The following KNTC1 variants were observed in gnomAD, a reference collection of about 807,000 sequenced individuals.
KNTC1 encodes the protein kinetochore associated 1.
A neutral mutation model predicts 314.4 loss-of-function variants in KNTC1; 253 were observed. That is an observed-to-expected ratio of 0.80 (90% confidence interval 0.73 to 0.89). The LOEUF (loss-of-function observed/expected upper bound fraction) is 0.89. KNTC1 is among the 40% of genes least tolerant of loss of function. KNTC1 has a pLI of 0.00. For missense variants in KNTC1, 2,475 were observed against 2,572.9 expected (o/e 0.96, Z 0.82); for synonymous variants, 901 against 901.4 (o/e 1.00, Z 0.01).
At chr12:122,596,079 CTTTTTTTTTT>C (rs1200717202) in intron 43 of KNTC1, among the ~76,000 whole-genome samples, 1 of 111,404 alleles carries the variant, frequency 9.0e-6, no homozygotes, top group African/African-American at 3.5e-5. Flanking sequence ...TAACCAGATT[CTTTTTTTTTT>C]TTTTTTTTTT....
Position 122,547,979 on chromosome 12 carries a change from A to T in KNTC1, c.987+10A>T, listed in dbSNP as rs768826074. The T allele has an allele frequency of 6.6e-7, 1 of 1,525,902 alleles. No homozygotes were observed. The highest frequency in any genetic ancestry group is 1.3e-5 in the South Asian group (1 of 79,342). 94.5% of individuals were successfully genotyped at this position (1,525,902 alleles called of 1,614,324 possible). ...TTCAGCTAATAAGAAGGTATTGGAA[A>T]ATTTTATTTTGTGCTTGCCTATATT... On this transcript the variant is annotated intron_variant, in intron 12 of 63. Coordinates refer to ENST00000333479, the MANE Select transcript of KNTC1 (RefSeq NM_014708.6).
intron 2 of KNTC1, among the ~76,000 whole-genome samples, chr12:122,533,041 C>T (rs1463914986): frequency 6.6e-6 from 1 of 152,018 alleles, no homozygotes. Context: ...GAGACAACAT[C>T]TCTAAAAAAA....
At chr12:122,559,732 C>G (rs1192802732) in intron 18 of KNTC1, among the ~76,000 whole-genome samples, 2 of 152,096 alleles carry the variant, frequency 1.3e-5, no homozygotes, top group East Asian at 3.9e-4. Flanking sequence ...GCTGCCACCA[C>G]ACCTGGCTAA....
At chr12:122,543,282 AT>A (rs113150741) in intron 6 of KNTC1, among the ~76,000 whole-genome samples, 3,621 of 152,300 alleles carry the variant, frequency 0.024, 132 homozygotes, top group African/African-American at 0.079. Flanking sequence ...AAGATTGAAG[AT>A]TTGTTTTCCA....
chr12:122,600,545 TCA>T (rs1381407013), intron 44 of KNTC1, among the ~76,000 whole-genome samples: 1 of 152,228 alleles, frequency 6.6e-6, no homozygotes, highest in Admixed American at 6.5e-5. Flanking sequence ...AAGAAAAGGA[TCA>T]GTTTCTTTCT....
chr12:122,613,252 G>A, intron 54 of KNTC1, 22 bp downstream of exon 54: 1 of 1,438,012 alleles, frequency 7.0e-7, no homozygotes, highest in Non-Finnish European at 9.7e-7. Flanking sequence ...TGTTTAAATT[G>A]TATTAAGAAA....
rs751306591 is a variant in KNTC1, at chr12:122,576,989, T to C, written c.2681T>C (p.Ile894Thr). The C allele has an allele frequency of 4.4e-6, 7 of 1,585,862 alleles. No homozygotes were observed. Among genetic ancestry groups the C allele is most frequent in the Non-Finnish European group, 6.0e-6 (7 of 1,164,920 alleles). The change falls in exon 30 of 64, where the codon ATC becomes ACC. Residue 894 changes from isoleucine to threonine, a missense_variant. Coordinates refer to ENST00000333479, the MANE Select transcript of KNTC1 (RefSeq NM_014708.6). ...GCGTTTATGTTATCTGATGATGAGA[T>C]CTACAGTCTAAGAATTATTGACCTG... ...AQAFMLSDDE[I>T]YSLRIIDLID...
chr12:122,587,825 G>A lies in KNTC1; in HGVS notation c.3845G>A (p.Cys1282Tyr). The change falls in exon 39 of 64, where the codon TGT becomes TAT. Residue 1282 changes from cysteine (C) to tyrosine (Y), a missense_variant. Cys to Tyr is a radical substitution (Grantham distance 194, BLOSUM62 -2). Coordinates refer to ENST00000333479, the MANE Select transcript of KNTC1 (RefSeq NM_014708.6). ...TTTGTGGTTGGTTCATTTGGTACCT[G>A]TCTTCAGCACTCTGTGTCAAACTTC... ...LRFVVGSFGTCLQHSVSNFMN... is the reference protein window; with the variant it reads ...LRFVVGSFGTYLQHSVSNFMN... 3.7e-6 allele frequency: 6 copies of A among 1,613,868 alleles called. No individual in the cohort carries two copies. Among genetic ancestry groups the A allele is most frequent in the East Asian group, 2.2e-5 (1 of 44,880 alleles).
intron 13 of KNTC1, among the ~76,000 whole-genome samples, chr12:122,551,051 C>T (rs1963160644): frequency 6.6e-6 from 1 of 152,058 alleles, no homozygotes. Context: ...TGTCAGATTT[C>T]CCCATTTATA....
intron 40 of KNTC1, among the ~76,000 whole-genome samples, chr12:122,590,053 G>T (rs549164231): frequency 2.8e-4 from 43 of 151,874 alleles, no homozygotes; most frequent in African/African-American, 8.9e-4. Context: ...CAAAGTGCTG[G>T]GATTATAGGC....
intron 42 of KNTC1, among the ~76,000 whole-genome samples, chr12:122,592,071 A>G (rs1870294999): frequency 6.6e-6 from 1 of 152,336 alleles, no homozygotes; most frequent in African/African-American, 2.4e-5. Context: ...CTTGCGGGCC[A>G]GCTGGAGTTC....
intron 43 of KNTC1, among the ~76,000 whole-genome samples, chr12:122,595,497 T>A (rs577874912): frequency 8.5e-5 from 13 of 152,360 alleles, no homozygotes; most frequent in African/African-American, 3.1e-4. Context: ...ATCTGAGTTA[T>A]TGAGAATGAA....
chr12:122,604,211 C>T (rs765556381), intron 48 of KNTC1, among the ~76,000 whole-genome samples: 1 of 139,632 alleles, frequency 7.2e-6, no homozygotes, highest in African/African-American at 2.7e-5. Flanking sequence ...CTTGCTCTGT[C>T]GCCCAGTTTG....
intron 6 of KNTC1, 23 bp downstream of exon 6, chr12:122,542,150 A>G (rs751116474): frequency 2.9e-6 from 4 of 1,375,452 alleles, no homozygotes; most frequent in Admixed American, 5.0e-5. Flanking sequence ...TTATATTTTT[A>G]TTATTGATTT....
chr12:122,550,291 C>T lies in KNTC1; in HGVS notation c.1086+427C>T, dbSNP rs139371391. On this transcript the variant is annotated intron_variant, in intron 13 of 63. Coordinates refer to ENST00000333479, the MANE Select transcript of KNTC1 (RefSeq NM_014708.6). ...ATTACTTGTAGACATCATGCTGTCACGCCTAAATCTTCAGCAGGTATCTCC... is the reference window on the plus strand; with the variant it reads ...ATTACTTGTAGACATCATGCTGTCATGCCTAAATCTTCAGCAGGTATCTCC... Among the ~76,000 whole-genome samples, 812 of 152,194 alleles carry T rather than the reference C, an allele frequency of 5.3e-3. 9 individuals are homozygous for T. The highest frequency in any genetic ancestry group is 0.019 in the African/African-American group (776 of 41,518).
chr12:122,565,759 C>T (rs1964285812), intron 20 of KNTC1, among the ~76,000 whole-genome samples: 1 of 151,938 alleles, frequency 6.6e-6, no homozygotes, highest in Admixed American at 6.6e-5. Context: ...TGGCCAGGTG[C>T]TTGTAGTCCT....
At chr12:122,625,152 C>A (rs1874882019) in intron 63 of KNTC1, among the ~76,000 whole-genome samples, 1 of 152,150 alleles carries the variant, frequency 6.6e-6, no homozygotes, top group Admixed American at 6.5e-5. Flanking sequence ...CACCTGTAAT[C>A]CCAGCACTTT....
At chr12:122,584,239 G>A (rs1038427737) in intron 34 of KNTC1, 39 bp from the exon 35 acceptor site, 5 of 1,479,312 alleles carry the variant, frequency 3.4e-6, no homozygotes, top group Non-Finnish European at 4.7e-6. Context: ...CACTTTCAAT[G>A]TGAGTATTCT....
At chr12:122,590,028 C>T (rs530689156) in intron 40 of KNTC1, among the ~76,000 whole-genome samples, 91 of 152,008 alleles carry the variant, frequency 6.0e-4, no homozygotes, top group Admixed American at 2.0e-4. Flanking sequence ...TTGTGATCCA[C>T]CCTCCTCGGC....
Sources: gnomAD v4.1 joint callset for allele counts (sites outside exome capture counted in the v4.1 genomes callset) on GRCh38, gnomAD v4.1.1 for gene constraint, MANE v1.5 for transcripts, NCBI Gene and HGNC (gene_info 2026-07-23, HGNC 2026-07-21) for gene names.